The following PTPRM variants were observed in gnomAD, a reference collection of about 807,000 sequenced individuals.
PTPRM encodes protein tyrosine phosphatase receptor type M.
PTPRM carries 47 observed loss-of-function variants against 186.7 expected under a neutral mutation model. That is an observed-to-expected ratio of 0.25 (90% CI 0.20 to 0.32). The LOEUF (loss-of-function observed/expected upper bound fraction) is 0.32. PTPRM is among the 10% of genes least tolerant of loss of function. The pLI is 1.00. For synonymous variants in PTPRM, 668 were observed against 674.9 expected (o/e 0.99, Z 0.16); for missense variants, 1,494 against 1,865.0 (o/e 0.80, Z 3.66).
chr18:8,029,760 A>G (rs2085833671), intron 7 of PTPRM, among the ~76,000 whole-genome samples: 1 of 152,206 alleles, frequency 6.6e-6, no homozygotes, highest in South Asian at 2.1e-4. Context: ...CTGCATCAGT[A>G]TAGTGCCTGG....
At chr18:7,843,304 A>G (rs1291471288) in intron 2 of PTPRM, among the ~76,000 whole-genome samples, 3 of 152,142 alleles carry the variant, frequency 2.0e-5, no homozygotes, top group Non-Finnish European at 2.9e-5. Flanking sequence ...GAGAGTCTCC[A>G]TTGTTAAGCA....
chr18:8,345,808 AT>A (rs1415382412), intron 23 of PTPRM, among the ~76,000 whole-genome samples: 1 of 152,162 alleles, frequency 6.6e-6, no homozygotes, highest in African/African-American at 2.4e-5. Flanking sequence ...AGGTAAAATT[AT>A]AGGTGCCACA....
chr18:7,585,804 A>G (rs956574332), intron 1 of PTPRM, among the ~76,000 whole-genome samples: 12 of 152,168 alleles, frequency 7.9e-5, no homozygotes, highest in African/African-American at 2.9e-4. Flanking sequence ...TGGACAGGAC[A>G]GAGTGTTCAT....
intron 4 of PTPRM, among the ~76,000 whole-genome samples, chr18:7,921,196 C>T (rs557613393): frequency 6.6e-6 from 1 of 152,186 alleles, no homozygotes; most frequent in South Asian, 2.1e-4. Context: ...GCTCAACTAC[C>T]TCTTGAGCAC....
rs536683145 is a variant in PTPRM at position 8,117,205 on chromosome 18, T to C, written c.2167+2378T>C. 2.0e-5 allele frequency among the ~76,000 whole-genome samples: 3 copies of C among 152,252 alleles called. No individual in the cohort carries two copies. In the South Asian group the frequency reaches 6.2e-4, roughly 32 times the overall value. On this transcript the variant is annotated intron_variant, in intron 13 of 32. Coordinates refer to ENST00000580170, the MANE Select transcript of PTPRM (RefSeq NM_001105244.2). ...TGACTACATAGTCAAAACAGAGAAA[T>C]AGGAAGATCTAATAACTGTTGATAC...
chr18:7,972,983 G>A (rs2054668891), intron 7 of PTPRM, among the ~76,000 whole-genome samples: 1 of 152,082 alleles, frequency 6.6e-6, no homozygotes. Context: ...TTTCACATCT[G>A]CCAGTATTTT....
At chr18:8,067,662 G>A (rs1056989687) in intron 7 of PTPRM, among the ~76,000 whole-genome samples, 12 of 152,146 alleles carry the variant, frequency 7.9e-5, no homozygotes, top group South Asian at 2.1e-4. Flanking sequence ...GGGATTTTAA[G>A]TTCTCTCTGT....
intron 1 of PTPRM, among the ~76,000 whole-genome samples, chr18:7,701,964 T>A (rs1032924358): frequency 2.0e-5 from 3 of 152,138 alleles, no homozygotes; most frequent in Non-Finnish European, 2.9e-5. Context: ...TTTTCTGTTC[T>A]TGTGTTAGTT....
At chr18:7,919,423 G>C (rs1200329218) in intron 4 of PTPRM, among the ~76,000 whole-genome samples, 1 of 152,020 alleles carries the variant, frequency 6.6e-6, no homozygotes, top group East Asian at 1.9e-4. Context: ...AATCATAACA[G>C]AAATACAACA....
intron 7 of PTPRM, among the ~76,000 whole-genome samples, chr18:8,028,161 C>A (rs1251213573): frequency 6.6e-6 from 1 of 152,212 alleles, no homozygotes; most frequent in African/African-American, 2.4e-5. Flanking sequence ...TGCCACCACA[C>A]CAGGCTAATT....
intron 11 of PTPRM, among the ~76,000 whole-genome samples, chr18:8,107,408 G>A (rs1438633410): frequency 6.6e-6 from 1 of 152,030 alleles, no homozygotes; most frequent in Non-Finnish European, 1.5e-5. Flanking sequence ...TTTTCACCCT[G>A]CCCTTTGTTC....
intron 1 of PTPRM, among the ~76,000 whole-genome samples, chr18:7,664,566 A>G (rs1394817126): frequency 1.3e-5 from 2 of 152,048 alleles, no homozygotes; most frequent in Non-Finnish European, 2.9e-5. Flanking sequence ...TTGGGAGGAT[A>G]GAGTTTTCTC....
At chr18:8,096,786 G>C (rs1434504789) in intron 11 of PTPRM, among the ~76,000 whole-genome samples, 1 of 152,214 alleles carries the variant, frequency 6.6e-6, no homozygotes. Flanking sequence ...TCTTGGAGAG[G>C]ATCTTGGACA....
chr18:7,772,714 C>G (rs1008144062), intron 1 of PTPRM, among the ~76,000 whole-genome samples: 9 of 152,008 alleles, frequency 5.9e-5, no homozygotes, highest in Non-Finnish European at 8.8e-5. Context: ...ACCAGGTGAC[C>G]TCTAACATCT....
chr18:7,718,520 ACAACT>A (rs1462666171), intron 1 of PTPRM, among the ~76,000 whole-genome samples: 6 of 152,234 alleles, frequency 3.9e-5, no homozygotes, highest in Non-Finnish European at 5.9e-5. Context: ...TTTGTGACTA[ACAACT>A]CAAAAGCAAA....
At chr18:7,868,456 C>G (rs2047823173) in intron 2 of PTPRM, among the ~76,000 whole-genome samples, 1 of 152,338 alleles carries the variant, frequency 6.6e-6, no homozygotes, top group South Asian at 2.1e-4. Context: ...TCGGACCCCT[C>G]TGCTGCAGGT....
chr18:8,207,801 A>G (rs2093950870), intron 14 of PTPRM, among the ~76,000 whole-genome samples: 1 of 152,226 alleles, frequency 6.6e-6, no homozygotes. Context: ...GGTAGAGTGG[A>G]GTCCCAAAGA....
chr18:8,277,056 C>A (rs1364535141), intron 19 of PTPRM, among the ~76,000 whole-genome samples: 1 of 151,958 alleles, frequency 6.6e-6, no homozygotes, highest in Non-Finnish European at 1.5e-5. Flanking sequence ...CCTGCCTCAG[C>A]CCCCTGAGTA....
At chr18:8,236,362 G>T (rs1452886464) in intron 14 of PTPRM, among the ~76,000 whole-genome samples, 3 of 152,038 alleles carry the variant, frequency 2.0e-5, no homozygotes, top group African/African-American at 7.2e-5. Flanking sequence ...TCTAAAGTCT[G>T]CTCTGTCTGA....
Sources: gnomAD v4.1 joint callset for allele counts (sites outside exome capture counted in the v4.1 genomes callset) on GRCh38, gnomAD v4.1.1 for gene constraint, MANE v1.5 for transcripts, NCBI Gene and HGNC (gene_info 2026-07-23, HGNC 2026-07-21) for gene names.